Variants in NEGR1 observed in about 807,000 individuals in gnomAD.
The protein encoded by NEGR1 is IgLON family member 4.
In NEGR1, 10 loss-of-function variants were observed where a neutral mutation model predicts 40.9. That is an observed-to-expected ratio of 0.24 (90% CI 0.15 to 0.42). The LOEUF is 0.42. NEGR1 is among the 10% of genes least tolerant of loss of function. NEGR1 has a pLI of 1.00. For missense variants in NEGR1, 352 were observed against 438.9 expected, an observed-to-expected ratio of 0.80 and a Z score of 1.77; for synonymous variants, 185 against 166.8, an observed-to-expected ratio of 1.11 and a Z score of -0.84.
At chr1:71,477,084 T>C (rs1009267212) in intron 6 of NEGR1, 2 of 152,164 alleles carry the variant, frequency 1.3e-5, no homozygotes, top group African/African-American at 4.8e-5. Context: ...AAGAATATTG[T>C]CAACAAATCA....
At chr1:71,620,529 C>A (rs1055502342) in intron 4 of NEGR1, among the ~76,000 whole-genome samples, 23 of 151,908 alleles carry the variant, frequency 1.5e-4, no homozygotes, top group Non-Finnish European at 2.2e-4. Flanking sequence ...GAAACAATGA[C>A]AATCTTTCAA....
At chr1:71,770,469 A>G (rs1656278345) in intron 3 of NEGR1, among the ~76,000 whole-genome samples, 1 of 152,222 alleles carries the variant, frequency 6.6e-6, no homozygotes, top group South Asian at 2.1e-4. Context: ...AGTTAAGTAA[A>G]GTTACATTTT....
At chr1:71,490,406 T>A (rs947455827) in intron 6 of NEGR1, among the ~76,000 whole-genome samples, 1 of 151,988 alleles carries the variant, frequency 6.6e-6, no homozygotes, top group African/African-American at 2.4e-5. Flanking sequence ...ATAAAGGATA[T>A]AAAGGCTGAC....
At chr1:71,435,526 A>T (rs1646503597) in intron 6 of NEGR1, among the ~76,000 whole-genome samples, 1 of 151,514 alleles carries the variant, frequency 6.6e-6, no homozygotes, top group Non-Finnish European at 1.5e-5. Context: ...AAAGTGCTGT[A>T]TTCTGAAAAA....
At chr1:71,766,759 G>A (rs149035984) in intron 3 of NEGR1, among the ~76,000 whole-genome samples, 1 of 152,294 alleles carries the variant, frequency 6.6e-6, no homozygotes, top group Non-Finnish European at 1.5e-5. Flanking sequence ...CCTAGCGGGA[G>A]GTAACTGGAT....
chr1:72,119,059 TA>T (rs1384700809), intron 1 of NEGR1, among the ~76,000 whole-genome samples: 5 of 151,800 alleles, frequency 3.3e-5, no homozygotes, highest in Admixed American at 2.0e-4. Context: ...TTTTCCAAGA[TA>T]AAAATATTAA....
At chr1:72,061,014 T>C (rs1250050327) in intron 1 of NEGR1, among the ~76,000 whole-genome samples, 1 of 151,712 alleles carries the variant, frequency 6.6e-6, no homozygotes, top group Non-Finnish European at 1.5e-5. Flanking sequence ...GTTGTGTGAA[T>C]ATATCCTGTC....
chr1:71,737,537 G>A (rs1655078259), intron 3 of NEGR1, among the ~76,000 whole-genome samples: 1 of 152,018 alleles, frequency 6.6e-6, no homozygotes, highest in Non-Finnish European at 1.5e-5. Flanking sequence ...TTAGTTTAAA[G>A]AATTTTGGGG....
intron 2 of NEGR1, among the ~76,000 whole-genome samples, chr1:71,930,434 A>G (rs140375831): frequency 6.6e-6 from 1 of 152,268 alleles, no homozygotes; most frequent in African/African-American, 2.4e-5. Context: ...ACATGCTCTG[A>G]AAGTATATGA....
chr1:71,841,343 C>T (rs1659231135), intron 2 of NEGR1, among the ~76,000 whole-genome samples: 1 of 152,168 alleles, frequency 6.6e-6, no homozygotes, highest in African/African-American at 2.4e-5. Context: ...TGCTATAATT[C>T]CAGTATTCAA....
intron 4 of NEGR1, among the ~76,000 whole-genome samples, chr1:71,630,584 G>C (rs1346517955): frequency 6.6e-6 from 1 of 151,720 alleles, no homozygotes; most frequent in Non-Finnish European, 1.5e-5. Flanking sequence ...TCTTCTTCCT[G>C]AAGTAATCCA....
intron 4 of NEGR1, among the ~76,000 whole-genome samples, chr1:71,629,659 A>G (rs1051552831): frequency 6.6e-6 from 1 of 151,994 alleles, no homozygotes; most frequent in Non-Finnish European, 1.5e-5. Context: ...TAGGAAGATA[A>G]GAAGTCAAAC....
intron 1 of NEGR1, among the ~76,000 whole-genome samples, chr1:72,232,692 A>G (rs1654409611): frequency 6.6e-6 from 1 of 151,880 alleles, no homozygotes; most frequent in Admixed American, 6.6e-5. Context: ...GTTTATCTGG[A>G]AGGACGGGTA....
chr1:71,828,474 C>A (rs1658722226), intron 2 of NEGR1, among the ~76,000 whole-genome samples: 1 of 151,844 alleles, frequency 6.6e-6, no homozygotes, highest in South Asian at 2.1e-4. Flanking sequence ...AGGTTTTTGA[C>A]CTTTTGTTTT....
chr1:71,816,183 A>G (rs565856012), intron 2 of NEGR1, among the ~76,000 whole-genome samples: 2 of 152,184 alleles, frequency 1.3e-5, no homozygotes, highest in African/African-American at 2.4e-5. Flanking sequence ...AGAGAACTCA[A>G]TATGTGAAAT....
intron 2 of NEGR1, among the ~76,000 whole-genome samples, chr1:71,795,428 C>T (rs150120703): frequency 3.9e-5 from 6 of 152,068 alleles, no homozygotes; most frequent in Non-Finnish European, 8.8e-5. Context: ...ACATTAGGAC[C>T]ATCTGAGATG....
chr1:71,509,427 C>T (rs948539845), intron 6 of NEGR1, among the ~76,000 whole-genome samples: 3 of 152,184 alleles, frequency 2.0e-5, no homozygotes, highest in Admixed American at 2.0e-4. Flanking sequence ...TTGACTTGTA[C>T]CCACATCCGA....
At chr1:72,089,229 G>C (rs188172593) in intron 1 of NEGR1, among the ~76,000 whole-genome samples, 5 of 152,162 alleles carry the variant, frequency 3.3e-5, no homozygotes, top group African/African-American at 1.2e-4. Flanking sequence ...AGCCATGATG[G>C]AACCACTAGC....
At position 72,269,347 on chromosome 1, in the gene NEGR1, G is replaced by C. The variant is rs375832426; in HGVS notation, c.176+12972C>G. The stretch of plus-strand genomic sequence containing the variant: ...AGGAGTGAATCAAGGTGATTCAGCT[G>C]TTCAGGGTTATATCAGGATGGGCAT... On this transcript the variant is annotated intron_variant, in intron 1 of 6. Transcript: ENST00000357731. Among the ~76,000 whole-genome samples, 5 of 151,706 alleles carry C rather than the reference G, an allele frequency of 3.3e-5. No homozygotes were observed. The East Asian group carries it at 5.8e-4, about 18-fold the overall frequency.
Sources: allele counts gnomAD v4.1 joint callset (sites outside exome capture counted in the v4.1 genomes callset), GRCh38; gene constraint gnomAD v4.1.1; transcripts MANE v1.5; gene names NCBI Gene and HGNC (gene_info 2026-07-23, HGNC 2026-07-21).